The following BLTP1 variants were observed in gnomAD, a reference collection of about 807,000 sequenced individuals.
BLTP1 encodes the protein fragile site-associated protein.
chr4:122,238,603 C>CA, the BLTP1 span, among the ~76,000 whole-genome samples: 1 of 152,248 alleles, frequency 6.6e-6, no homozygotes, highest in African/African-American at 2.4e-5. Flanking sequence ...TCCCACCACT[C>CA]AGAGTGAATC....
At chr4:122,177,794 T>C in the BLTP1 span, 7 of 152,164 alleles carry the variant, frequency 4.6e-5, no homozygotes, top group Admixed American at 2.6e-4. Context: ...TGAATACTTT[T>C]GTAAAGCAGC....
At chr4:122,175,224 T>G in the BLTP1 span, 1 of 984,924 alleles carries the variant, frequency 1.0e-6, no homozygotes, top group Non-Finnish European at 1.2e-6. Context: ...GTGCTAGAGT[T>G]TGGCAGTGCT....
At chr4:122,207,185 T>C in the BLTP1 span, 2 of 1,612,166 alleles carry the variant, frequency 1.2e-6, no homozygotes, top group East Asian at 2.2e-5. Context: ...AATTTTAAAA[T>C]CATGTTTCAT....
At chr4:122,219,692 T>G in the BLTP1 span, 1 of 647,784 alleles carries the variant, frequency 1.5e-6, no homozygotes, top group Non-Finnish European at 2.6e-6. Flanking sequence ...ATTTATTCTT[T>G]TACTGTTATA....
chr4:122,331,674 G>A, the BLTP1 span: 1 of 1,420,676 alleles, frequency 7.0e-7, no homozygotes, highest in Non-Finnish European at 9.2e-7. Context: ...TAGTTATAAT[G>A]GTCAAGTGTA....
the BLTP1 span, chr4:122,272,415 A>AT: frequency 1.3e-6 from 2 of 1,599,632 alleles, no homozygotes; most frequent in Non-Finnish European, 1.7e-6. Context: ...GGTATGAATG[A>AT]TTTTTCTAAT....
chr4:122,251,157 T>C, the BLTP1 span: 1 of 949,628 alleles, frequency 1.1e-6, no homozygotes. Flanking sequence ...CTAAGTCTCT[T>C]TACCTGTAAT....
At chr4:122,283,853 G>A in the BLTP1 span, among the ~76,000 whole-genome samples, 1 of 152,164 alleles carries the variant, frequency 6.6e-6, no homozygotes, top group Non-Finnish European at 1.5e-5. Context: ...GAAAAAGCCT[G>A]TTTAGACTTT....
At chr4:122,221,066 CT>C in the BLTP1 span, 1,099 of 980,208 alleles carry the variant, frequency 1.1e-3, 6 homozygotes, top group African/African-American at 0.015. Context: ...TTATATGCCC[CT>C]GTCTTACTTT....
the BLTP1 span, chr4:122,235,489 A>G: frequency 9.7e-5 from 95 of 981,276 alleles, no homozygotes; most frequent in Non-Finnish European, 1.1e-4. Flanking sequence ...ATGTCAAGAA[A>G]AGAACTCCAG....
chr4:122,209,410 C>G, the BLTP1 span: 4 of 1,440,786 alleles, frequency 2.8e-6, no homozygotes, highest in Non-Finnish European at 3.8e-6. Context: ...TTTGGGAGGC[C>G]GAGATGGGTG....
the BLTP1 span, chr4:122,201,886 G>C: frequency 1.0e-6 from 1 of 984,856 alleles, no homozygotes. Context: ...CATCGATGCT[G>C]AGTACTATTA....
chr4:122,281,770 G>T, the BLTP1 span: 2 of 1,533,028 alleles, frequency 1.3e-6, no homozygotes, highest in South Asian at 2.6e-5. Context: ...GTCATGGAAT[G>T]ACAGGTAATA....
At chr4:122,337,872 A>T in the BLTP1 span, among the ~76,000 whole-genome samples, 1 of 148,330 alleles carries the variant, frequency 6.7e-6, no homozygotes, top group African/African-American at 2.4e-5. Flanking sequence ...TATATATAAT[A>T]AAATATATAT....
chr4:122,347,621 G>T, the BLTP1 span: 1 of 1,613,806 alleles, frequency 6.2e-7, no homozygotes, highest in Non-Finnish European at 8.5e-7. Context: ...GAGCAGCCAA[G>T]TCAGTCAGCC....
the BLTP1 span, chr4:122,250,994 C>T: frequency 1.0e-6 from 1 of 985,042 alleles, no homozygotes; most frequent in Non-Finnish European, 1.2e-6. Context: ...CTGAATGGCA[C>T]CTTATATTCA....
the BLTP1 span, among the ~76,000 whole-genome samples, chr4:122,213,203 T>C: frequency 6.6e-6 from 1 of 152,236 alleles, no homozygotes; most frequent in Non-Finnish European, 1.5e-5. Flanking sequence ...CATCTAATTT[T>C]TAAAAAATTA....
the BLTP1 span, chr4:122,229,387 C>A: frequency 5.3e-6 from 3 of 561,902 alleles, no homozygotes; most frequent in African/African-American, 2.0e-5. Context: ...TTTACTAATC[C>A]ATGTTCTCTT....
chr4:122,263,721 A>AT, the BLTP1 span: 1 of 585,098 alleles, frequency 1.7e-6, no homozygotes, highest in South Asian at 2.8e-5. Context: ...TGGTCCATTT[A>AT]TATTTTTAAA....
Sources: gnomAD v4.1 joint callset for allele counts (sites outside exome capture counted in the v4.1 genomes callset) on GRCh38, gnomAD v4.1.1 for gene constraint, MANE v1.5 for transcripts, NCBI Gene and HGNC (gene_info 2026-07-23, HGNC 2026-07-21) for gene names.